The following SLC39A8 variants were observed in gnomAD, a reference collection of about 807,000 sequenced individuals.
The protein encoded by SLC39A8 is metal cation symporter ZIP8.
Under a neutral mutation model 40.4 loss-of-function variants are expected in SLC39A8, and 15 were observed. The observed-to-expected ratio is 0.37, with a 90% confidence interval of 0.25 to 0.57. SLC39A8 has a LOEUF of 0.57. Ranked by LOEUF, SLC39A8 falls within the 20% of genes least tolerant of loss-of-function variation. SLC39A8 has a pLI of 0.75. For missense variants in SLC39A8, 472 were observed against 558.8 expected, an observed-to-expected ratio of 0.84 and a Z score of 1.57; for synonymous variants, 223 against 221.6, an observed-to-expected ratio of 1.01 and a Z score of -0.06.
chr4:102,338,788 T>C (rs563386652), intron 2 of SLC39A8, among the ~76,000 whole-genome samples: 6 of 152,318 alleles, frequency 3.9e-5, no homozygotes, highest in African/African-American at 1.2e-4. Context: ...CTGTGCCACA[T>C]TTTTCTTACA....
intron 2 of SLC39A8, among the ~76,000 whole-genome samples, chr4:102,320,511 T>C (rs185050854): frequency 3.2e-5 from 2 of 63,314 alleles, no homozygotes; most frequent in South Asian, 4.5e-4. Context: ...AATATATATA[T>C]GAGAGTATAT....
chr4:102,269,534 T>C (rs1044639470), intron 6 of SLC39A8, among the ~76,000 whole-genome samples: 1 of 152,252 alleles, frequency 6.6e-6, no homozygotes, highest in African/African-American at 2.4e-5. Flanking sequence ...GGCACTGTTC[T>C]AAGCACTTCA....
At position 102,338,255 on chromosome 4, in the gene SLC39A8, C is replaced by T. The variant is rs888407042; in HGVS notation, c.219+6189G>A. On this transcript the variant is annotated intron_variant, in intron 2 of 8. Coordinates refer to ENST00000356736, the MANE Select transcript of SLC39A8 (RefSeq NM_001135146.2). ...AGGCTGGAGTGCAGTGGCGCCATCT[C>T]GGCTCACTGCAAGCTCTGCCTCCCG... is the stretch of plus-strand genomic sequence containing the variant. Among the ~76,000 whole-genome samples, 6 of 150,172 alleles carry T rather than the reference C, an allele frequency of 4.0e-5. No homozygotes were observed. The South Asian group carries it at 6.3e-4, about 16-fold the overall frequency.
At chr4:102,330,817 T>C (rs2149051066) in intron 2 of SLC39A8, among the ~76,000 whole-genome samples, 1 of 152,350 alleles carries the variant, frequency 6.6e-6, no homozygotes, top group South Asian at 2.1e-4. Context: ...ATCAAAAAGC[T>C]TATCCATTAT....
intron 3 of SLC39A8, among the ~76,000 whole-genome samples, chr4:102,314,459 A>C (rs1734573270): frequency 6.6e-6 from 1 of 152,056 alleles, no homozygotes; most frequent in Non-Finnish European, 1.5e-5. Context: ...TTCAGAATAA[A>C]ACCCAATCAA....
At chr4:102,274,295 C>A (rs1732512158) in intron 6 of SLC39A8, among the ~76,000 whole-genome samples, 1 of 152,040 alleles carries the variant, frequency 6.6e-6, no homozygotes, top group South Asian at 2.1e-4. Flanking sequence ...ACAAGAACTT[C>A]GTGAAGCATA....
intron 2 of SLC39A8, among the ~76,000 whole-genome samples, chr4:102,321,642 A>G (rs760520721): frequency 1.3e-5 from 2 of 152,254 alleles, no homozygotes; most frequent in Non-Finnish European, 2.9e-5. Context: ...TAAGGAACAA[A>G]GTTCTGCAAC....
rs769226432 is a variant in SLC39A8, at chr4:102,315,780, G to C, written c.270C>G (p.Thr90=). Residue 90 remains threonine (T), a synonymous_variant, in exon 3 of 9, where the codon ACC becomes ACG. Transcript: ENST00000356736. ...CAGAGAATTTGGAGCTGGTTATTTG[G>C]GTAGCATTTGAAAAGCCATGAAGGG... ...IFSLHGFSNA[T]QITSSKFSVI... 6.2e-7 allele frequency: 1 copy of C among 1,612,802 alleles called. No individual in the cohort carries two copies. The highest frequency in any genetic ancestry group is 8.5e-7 in the Non-Finnish European group (1 of 1,179,420).
intron 2 of SLC39A8, among the ~76,000 whole-genome samples, chr4:102,320,296 GAATA>G (rs1247688166): frequency 8.9e-6 from 1 of 112,412 alleles, no homozygotes; most frequent in Non-Finnish European, 1.8e-5. Context: ...ATATATATGA[GAATA>G]TATATATGAG....
At chr4:102,326,025 C>G (rs1022336827) in intron 2 of SLC39A8, among the ~76,000 whole-genome samples, 1 of 152,140 alleles carries the variant, frequency 6.6e-6, no homozygotes, top group Non-Finnish European at 1.5e-5. Flanking sequence ...GGTGTGGTGT[C>G]AGAGCACAGA....
At chr4:102,307,882 AGAACAGC>A (rs996065487) in intron 3 of SLC39A8, among the ~76,000 whole-genome samples, 3 of 152,122 alleles carry the variant, frequency 2.0e-5, no homozygotes, top group African/African-American at 7.2e-5. Flanking sequence ...GAGAACATCT[AGAACAGC>A]GAACAGCGAC....
At chr4:102,315,144 G>A (rs1488993888) in intron 3 of SLC39A8, among the ~76,000 whole-genome samples, 1 of 152,054 alleles carries the variant, frequency 6.6e-6, no homozygotes, top group East Asian at 1.9e-4. Flanking sequence ...TACCGTTAAA[G>A]TACATATTCA....
chr4:102,313,146 T>C (rs566431663), intron 3 of SLC39A8, among the ~76,000 whole-genome samples: 4 of 152,284 alleles, frequency 2.6e-5, no homozygotes, highest in East Asian at 1.9e-4. Flanking sequence ...ATGCTTTGTA[T>C]ATATAAATAC....
intron 4 of SLC39A8, among the ~76,000 whole-genome samples, chr4:102,305,800 G>C (rs1268302854): frequency 6.6e-6 from 1 of 151,978 alleles, no homozygotes; most frequent in Non-Finnish European, 1.5e-5. Flanking sequence ...GAGTCAAGAT[G>C]TTCCTAACAG....
intron 6 of SLC39A8, among the ~76,000 whole-genome samples, chr4:102,280,107 T>C (rs754153411): frequency 6.6e-6 from 1 of 152,182 alleles, no homozygotes; most frequent in Non-Finnish European, 1.5e-5. Context: ...GAAGGTTAAC[T>C]TAGGCTGGCT....
At chr4:102,260,797 A>G (rs769180703), downstream of SLC39A8, among the ~76,000 whole-genome samples, 1 of 152,274 alleles carries the variant, frequency 6.6e-6, no homozygotes, top group Admixed American at 6.5e-5. Flanking sequence ...TCAGGCAAGT[A>G]TAACTACCTC....
At chr4:102,326,283 C>A (rs7692921) in intron 2 of SLC39A8, among the ~76,000 whole-genome samples, 20,073 of 152,200 alleles carry the variant, frequency 0.13, 1,604 homozygotes, top group South Asian at 0.28. Flanking sequence ...GCACCTTGGC[C>A]GGGTGCGGTG....
chr4:102,272,021 A>G (rs991411131), intron 6 of SLC39A8, among the ~76,000 whole-genome samples: 5 of 152,046 alleles, frequency 3.3e-5, no homozygotes, highest in Admixed American at 6.5e-5. Context: ...GAATGCACAA[A>G]TCCAGGAACC....
chr4:102,291,271 A>G (rs540479239), intron 6 of SLC39A8, among the ~76,000 whole-genome samples: 55 of 152,146 alleles, frequency 3.6e-4, no homozygotes, highest in African/African-American at 1.3e-3. Context: ...AGCATTGAAA[A>G]TGTATGCATT....
Sources: allele counts gnomAD v4.1 joint callset (sites outside exome capture counted in the v4.1 genomes callset), GRCh38; gene constraint gnomAD v4.1.1; transcripts MANE v1.5; gene names NCBI Gene and HGNC (gene_info 2026-07-23, HGNC 2026-07-21).